The following TRPM3 variants were observed in gnomAD, a reference collection of about 807,000 sequenced individuals.
TRPM3 encodes transient receptor potential cation channel subfamily M member 3.
A neutral mutation model predicts 181.2 loss-of-function variants in TRPM3; 77 were observed. That is an observed-to-expected ratio of 0.42 (90% CI 0.35 to 0.51). TRPM3 has a LOEUF of 0.51. Ranked by LOEUF, TRPM3 falls within the 20% of genes least tolerant of loss-of-function variation. The probability of loss-of-function intolerance (pLI) is 0.01; values close to 1 mark genes in which losing one functional copy is unlikely to be tolerated. For synonymous variants in TRPM3, 745 were observed against 796.4 expected, an observed-to-expected ratio of 0.94 and a Z score of 1.09; for missense variants, 1,759 against 2,196.7, an observed-to-expected ratio of 0.80 and a Z score of 3.98.
chr9:70,651,945 C>T (rs1589810105), intron 9 of TRPM3, among the ~76,000 whole-genome samples: 1 of 151,950 alleles, frequency 6.6e-6, no homozygotes, highest in Admixed American at 6.6e-5. Flanking sequence ...TGGATAGGAA[C>T]GTGCTCAATA....
At chr9:70,581,595 T>C (rs2055691757) in intron 22 of TRPM3, among the ~76,000 whole-genome samples, 1 of 152,262 alleles carries the variant, frequency 6.6e-6, no homozygotes. Context: ...TGTTGGTTGC[T>C]GTTAATACAG....
intron 1 of TRPM3, among the ~76,000 whole-genome samples, chr9:71,106,979 C>T (rs557614041): frequency 1.3e-5 from 2 of 152,242 alleles, no homozygotes; most frequent in East Asian, 1.9e-4. Flanking sequence ...AATTTGGGTT[C>T]GCCTCTGCAT....
chr9:70,872,670 G>A (rs1436680672), intron 1 of TRPM3, among the ~76,000 whole-genome samples: 2 of 151,864 alleles, frequency 1.3e-5, no homozygotes, highest in African/African-American at 2.4e-5. Flanking sequence ...AGTTCCTGAG[G>A]GCAGTGATTT....
chr9:71,000,323 C>T (rs954522604), intron 1 of TRPM3, among the ~76,000 whole-genome samples: 4 of 152,142 alleles, frequency 2.6e-5, no homozygotes, highest in African/African-American at 9.7e-5. Context: ...TGAATTCCAA[C>T]TCATTTTTGT....
At chr9:71,444,180 A>G in intron 1 of TRPM3, among the ~76,000 whole-genome samples, 1 of 150,946 alleles carries the variant, frequency 6.6e-6, no homozygotes, top group Non-Finnish European at 1.5e-5. Flanking sequence ...TACATCTCAA[A>G]AAAAAAAAAA....
intron 1 of TRPM3, among the ~76,000 whole-genome samples, chr9:70,872,849 T>C (rs769048246): frequency 2.0e-5 from 3 of 151,972 alleles, no homozygotes; most frequent in Non-Finnish European, 4.4e-5. Context: ...TAATTCTTCA[T>C]TGGAAAATGA....
intron 1 of TRPM3, among the ~76,000 whole-genome samples, chr9:71,259,234 TTA>T (rs748281241): frequency 1.3e-5 from 2 of 152,246 alleles, no homozygotes; most frequent in Non-Finnish European, 2.9e-5. Context: ...TCATTCTTTT[TTA>T]TGGCTGCATA....
intron 1 of TRPM3, among the ~76,000 whole-genome samples, chr9:71,354,924 T>A (rs1009224333): frequency 6.6e-6 from 1 of 152,256 alleles, no homozygotes; most frequent in African/African-American, 2.4e-5. Flanking sequence ...CTTTTCCAAA[T>A]AGTATCTCTC....
intron 1 of TRPM3, among the ~76,000 whole-genome samples, chr9:71,394,417 T>C (rs2093140830): frequency 1.3e-5 from 2 of 152,212 alleles, no homozygotes; most frequent in South Asian, 4.1e-4. Flanking sequence ...CTTCACATTT[T>C]AAAAGATAAA....
rs750341591 is a variant in TRPM3, at chr9:71,337,850, C to T, written c.183+108803G>A. 5.9e-5 allele frequency among the ~76,000 whole-genome samples: 9 copies of T among 152,104 alleles called. No individual in the cohort carries two copies. The South Asian group carries it at 8.3e-4, about 14-fold the overall frequency. On this transcript the variant is annotated intron_variant, in intron 1 of 24. Transcript: ENST00000357533. ...CACAGGAACAGAAAACCAAACACCA[C>T]GTGTTCTCACTCATAAGTGGGAGTT...
chr9:70,784,107 G>T lies in TRPM3; in HGVS notation c.1146C>A (p.Gly382=). The part of the protein sequence containing the change: ...LAFGHKYSEE[G]GLINESLRDQ... Reference sequence around the variant, plus strand: ...ATGGGGCCTGGAAAGTTACCTACCCGCCTTCTTCTGAGTATTTATGCCCAA... The same window carrying T: ...ATGGGGCCTGGAAAGTTACCTACCCTCCTTCTTCTGAGTATTTATGCCCAA... The change falls in exon 7 of 26, where the codon GGC becomes GGA. Residue 382 remains glycine, a splice_region_variant and synonymous_variant. Coordinates refer to ENST00000677713, the MANE Select transcript of TRPM3 (RefSeq NM_001366145.2). The T allele has an allele frequency of 6.2e-7, 1 of 1,612,374 alleles. No homozygotes were observed. Among genetic ancestry groups the T allele is most frequent in the Non-Finnish European group, 8.5e-7 (1 of 1,179,112 alleles).
chr9:71,124,051 G>C (rs2073886165), upstream of TRPM3, among the ~76,000 whole-genome samples: 1 of 152,050 alleles, frequency 6.6e-6, no homozygotes, highest in African/African-American at 2.4e-5. Context: ...CCTCTCTAAT[G>C]GCAATTAGAG....
At chr9:71,325,649 A>C (rs2089622855) in intron 1 of TRPM3, among the ~76,000 whole-genome samples, 1 of 152,134 alleles carries the variant, frequency 6.6e-6, no homozygotes, top group East Asian at 1.9e-4. Flanking sequence ...GAAGGAATGA[A>C]GGCAGTGATG....
At chr9:71,023,376 T>C (rs1005082256) in intron 1 of TRPM3, among the ~76,000 whole-genome samples, 21 of 152,212 alleles carry the variant, frequency 1.4e-4, no homozygotes, top group Non-Finnish European at 5.9e-5. Flanking sequence ...CGGGATTCAT[T>C]GCAGATGGGA....
At chr9:71,074,743 C>A (rs1414276162) in intron 1 of TRPM3, among the ~76,000 whole-genome samples, 4 of 152,060 alleles carry the variant, frequency 2.6e-5, no homozygotes, top group East Asian at 3.9e-4. Flanking sequence ...AGTAATTATT[C>A]TTGTTGTACT....
intron 25 of TRPM3, among the ~76,000 whole-genome samples, chr9:70,540,362 G>A (rs937141991): frequency 9.2e-5 from 14 of 152,212 alleles, no homozygotes; most frequent in African/African-American, 3.4e-4. Context: ...CAGAGATGAA[G>A]TTGTTGTTTT....
At chr9:71,346,504 C>T (rs1292560358) in intron 1 of TRPM3, among the ~76,000 whole-genome samples, 1 of 152,162 alleles carries the variant, frequency 6.6e-6, no homozygotes, top group Non-Finnish European at 1.5e-5. Flanking sequence ...ATACAGAGTG[C>T]TAAACTCTTT....
chr9:70,751,663 A>G (rs1490268195), intron 8 of TRPM3, among the ~76,000 whole-genome samples: 1 of 152,216 alleles, frequency 6.6e-6, no homozygotes, highest in African/African-American at 2.4e-5. Context: ...TTAGGAAGGT[A>G]GAAAAGACAG....
At chr9:71,346,299 A>G (rs12001577) in intron 1 of TRPM3, among the ~76,000 whole-genome samples, 2,212 of 152,330 alleles carry the variant, frequency 0.015, 55 homozygotes, top group East Asian at 0.11. Flanking sequence ...ATTTGCATGC[A>G]ATAAAGTTAA....
Sources: allele counts gnomAD v4.1 joint callset (sites outside exome capture counted in the v4.1 genomes callset), GRCh38; gene constraint gnomAD v4.1.1; transcripts MANE v1.5; gene names NCBI Gene and HGNC (gene_info 2026-07-23, HGNC 2026-07-21).